The following DPP6 variants were observed in gnomAD, a reference collection of about 807,000 sequenced individuals.
DPP6 encodes the protein A-type potassium channel modulatory protein DPP6.
In DPP6, 69 loss-of-function variants were observed where a neutral mutation model predicts 122.6. The ratio of observed to expected loss-of-function variants is 0.56; its 90% CI spans 0.46 to 0.69. The LOEUF (loss-of-function observed/expected upper bound fraction) is 0.69, where lower values mean the gene tolerates loss of function less well. Among genes scored for constraint, DPP6 ranks in the 30% least tolerant of loss-of-function variants. The pLI is 0.00. For synonymous variants in DPP6, 418 were observed against 433.1 expected (o/e 0.97, Z 0.43); for missense variants, 928 against 1,116.9 (o/e 0.83, Z 2.41).
chr7:154,676,572 C>A (rs1838924617), intron 7 of DPP6, among the ~76,000 whole-genome samples: 1 of 152,256 alleles, frequency 6.6e-6, no homozygotes, highest in Non-Finnish European at 1.5e-5. Context: ...GACACTGTAC[C>A]CACACCCTGC....
rs181787607 is a variant in DPP6 at position 153,901,415 on chromosome 7, G to A, written c.51+13681G>A. On this transcript the variant is annotated intron_variant, in intron 1 of 25. Transcript: ENST00000404039. ...AATATAGAGTCTTCTGCGGATAAAG[G>A]TCGAAACCCTCTTTTCCCAGACCAC... Among the ~76,000 whole-genome samples the A allele has an allele frequency of 1.7e-3, 266 of 152,342 alleles. 1 individual carries two copies. The highest frequency in any genetic ancestry group is 4.2e-3 in the Admixed American group (64 of 15,304).
At chr7:154,411,845 C>T (rs1320728194) in intron 1 of DPP6, among the ~76,000 whole-genome samples, 1 of 152,064 alleles carries the variant, frequency 6.6e-6, no homozygotes, top group Non-Finnish European at 1.5e-5. Flanking sequence ...GCAAGAGCAT[C>T]CTGAAGTAGT....
intron 1 of DPP6, among the ~76,000 whole-genome samples, chr7:154,031,020 C>T (rs1182761257): frequency 6.6e-6 from 1 of 152,052 alleles, no homozygotes. Context: ...CTCAGCCCAC[C>T]AAGAGCTCAC....
intron 1 of DPP6, among the ~76,000 whole-genome samples, chr7:154,066,621 C>T (rs1230607763): frequency 6.6e-6 from 1 of 151,868 alleles, no homozygotes; most frequent in African/African-American, 2.4e-5. Flanking sequence ...TAGAGTTTGG[C>T]AGAGACAAGA....
intron 3 of DPP6, among the ~76,000 whole-genome samples, chr7:154,514,315 G>A (rs898516698): frequency 7.9e-5 from 12 of 152,064 alleles, no homozygotes; most frequent in Non-Finnish European, 1.3e-4. Flanking sequence ...ACAGCTAGAC[G>A]CTAATTCAGA....
intron 1 of DPP6, among the ~76,000 whole-genome samples, chr7:154,166,894 G>A (rs934868831): frequency 6.7e-6 from 1 of 148,370 alleles, no homozygotes; most frequent in African/African-American, 2.6e-5. Flanking sequence ...CTGAGCGACA[G>A]AGTGAGATTC....
chr7:154,175,138 T>C (rs1797732711), intron 1 of DPP6, among the ~76,000 whole-genome samples: 1 of 152,106 alleles, frequency 6.6e-6, no homozygotes, highest in Non-Finnish European at 1.5e-5. Flanking sequence ...TTCTTTATAC[T>C]TAATACTGCC....
chr7:153,933,221 T>G (rs1801257240), intron 1 of DPP6, among the ~76,000 whole-genome samples: 1 of 152,238 alleles, frequency 6.6e-6, no homozygotes, highest in South Asian at 2.1e-4. Context: ...AACAAGATTT[T>G]TTTTTTGACC....
At chr7:153,991,218 G>A (rs996010402) in intron 1 of DPP6, among the ~76,000 whole-genome samples, 10 of 151,946 alleles carry the variant, frequency 6.6e-5, no homozygotes, top group African/African-American at 2.2e-4. Context: ...TTTGAAGAGG[G>A]CATTGCCATG....
chr7:154,801,059 G>A lies in DPP6; in HGVS notation c.1300-296G>A, dbSNP rs10276776. On this transcript the variant is annotated intron_variant, in intron 12 of 25. Transcript: ENST00000377770. ...TCCTGTTCTCACTGGTGAGCTTGGC[G>A]TGCACATGGGGCTGGGCTTTGTCTC... Among the ~76,000 whole-genome samples, 16,491 of 151,820 alleles carry A rather than the reference G, an allele frequency of 0.11. 1,149 individuals carry two copies. Among genetic ancestry groups the A allele is most frequent in the African/African-American group, 0.19 (7,883 of 41,336 alleles).
chr7:153,819,589 A>G, the DPP6 span, among the ~76,000 whole-genome samples: 1 of 152,170 alleles, frequency 6.6e-6, no homozygotes, highest in Admixed American at 6.5e-5. Context: ...CTTGTTTCAG[A>G]GATGCCAAAT....
intron 8 of DPP6, among the ~76,000 whole-genome samples, chr7:154,761,401 T>C (rs1293018672): frequency 4.6e-5 from 7 of 152,106 alleles, no homozygotes. Flanking sequence ...ACATAGAAGG[T>C]GGTGTTCAGA....
intron 1 of DPP6, among the ~76,000 whole-genome samples, chr7:154,121,384 C>T (rs942581837): frequency 2.0e-5 from 3 of 152,034 alleles, no homozygotes; most frequent in African/African-American, 7.2e-5. Flanking sequence ...ATCTTTCTTC[C>T]TTCTTAATAT....
chr7:154,198,470 C>T (rs1798989092), intron 1 of DPP6, among the ~76,000 whole-genome samples: 1 of 152,004 alleles, frequency 6.6e-6, no homozygotes, highest in South Asian at 2.1e-4. Flanking sequence ...TGCCACCACA[C>T]CTGGCTCATT....
chr7:153,789,914 G>C, the DPP6 span, among the ~76,000 whole-genome samples: 8 of 152,182 alleles, frequency 5.3e-5, no homozygotes, highest in African/African-American at 1.9e-4. Context: ...AAGGTCAGCT[G>C]GATCTATGGT....
At chr7:154,557,728 G>A (rs1830146572) in intron 4 of DPP6, among the ~76,000 whole-genome samples, 1 of 152,066 alleles carries the variant, frequency 6.6e-6, no homozygotes, top group Admixed American at 6.6e-5. Context: ...ACAAATGAAT[G>A]AACCATGCCA....
intron 6 of DPP6, among the ~76,000 whole-genome samples, chr7:154,644,773 A>T (rs1211478878): frequency 6.9e-6 from 1 of 145,772 alleles, no homozygotes; most frequent in Non-Finnish European, 1.5e-5. Flanking sequence ...CAGTGGCGCG[A>T]TCTCGGCTCA....
the DPP6 span, among the ~76,000 whole-genome samples, chr7:153,836,492 C>A: frequency 6.6e-6 from 1 of 152,194 alleles, no homozygotes; most frequent in Non-Finnish European, 1.5e-5. Flanking sequence ...CCATAAAGGA[C>A]ATTATATAAT....
At chr7:154,063,976 C>A (rs1251419529) in intron 1 of DPP6, among the ~76,000 whole-genome samples, 1 of 151,908 alleles carries the variant, frequency 6.6e-6, no homozygotes, top group East Asian at 1.9e-4. Context: ...AGCCCTAGAG[C>A]AAACGCAAAG....
Sources: gnomAD v4.1 joint callset for allele counts (sites outside exome capture counted in the v4.1 genomes callset) on GRCh38, gnomAD v4.1.1 for gene constraint, MANE v1.5 for transcripts, NCBI Gene and HGNC (gene_info 2026-07-23, HGNC 2026-07-21) for gene names.